The following ADAMTSL1 variants were observed in gnomAD, a reference collection of about 807,000 sequenced individuals.
The protein encoded by ADAMTSL1 is ADAMTS like 1.
Under a neutral mutation model 201.8 loss-of-function variants are expected in ADAMTSL1, and 126 were observed. The observed-to-expected ratio is 0.62, with a 90% CI of 0.54 to 0.72. The LOEUF (loss-of-function observed/expected upper bound fraction) is 0.72, where lower values mean the gene tolerates loss of function less well. Ranked by LOEUF, ADAMTSL1 falls within the 30% of genes least tolerant of loss-of-function variation. The pLI is 0.00. For synonymous variants in ADAMTSL1, 1,121 were observed against 903.4 expected (o/e 1.24, Z -4.32); for missense variants, 2,679 against 2,277.8 (o/e 1.18, Z -3.59).
intron 2 of ADAMTSL1, among the ~76,000 whole-genome samples, chr9:18,189,822 T>G (rs569878110): frequency 1.3e-5 from 2 of 152,332 alleles, no homozygotes; most frequent in African/African-American, 4.8e-5. Context: ...GCCAGTTCTG[T>G]GGACTTTTAA....
At chr9:18,756,283 A>C (rs1300096129) in intron 16 of ADAMTSL1, among the ~76,000 whole-genome samples, 22 of 11,216 alleles carry the variant, frequency 2.0e-3, no homozygotes, top group African/African-American at 7.3e-3. Context: ...TGTCTCGACA[A>C]AAAAAAAAAA....
intron 20 of ADAMTSL1, among the ~76,000 whole-genome samples, chr9:18,804,090 T>C (rs1447250495): frequency 3.3e-5 from 5 of 152,210 alleles, no homozygotes; most frequent in Non-Finnish European, 5.9e-5. Context: ...AGCTGCTCTC[T>C]TGGGTCTCTT....
At chr9:18,216,283 C>G (rs968780690) in intron 2 of ADAMTSL1, among the ~76,000 whole-genome samples, 6 of 152,180 alleles carry the variant, frequency 3.9e-5, no homozygotes, top group Admixed American at 2.6e-4. Flanking sequence ...AAGAGTTTGC[C>G]TTTAATCTGA....
chr9:18,661,592 G>C (rs1388600048), intron 8 of ADAMTSL1, among the ~76,000 whole-genome samples: 1 of 152,152 alleles, frequency 6.6e-6, no homozygotes, highest in Non-Finnish European at 1.5e-5. Context: ...GGTAAATCCT[G>C]ATGATCTTTT....
intron 23 of ADAMTSL1, among the ~76,000 whole-genome samples, chr9:18,852,344 G>C (rs1230107423): frequency 6.6e-6 from 1 of 152,182 alleles, no homozygotes; most frequent in Non-Finnish European, 1.5e-5. Context: ...ACTTAGAATG[G>C]TGCCTTCCCA....
At chr9:18,357,099 C>G (rs995852882) in intron 2 of ADAMTSL1, among the ~76,000 whole-genome samples, 1 of 152,116 alleles carries the variant, frequency 6.6e-6, no homozygotes, top group African/African-American at 2.4e-5. Flanking sequence ...ACTGGGACAT[C>G]TTTTTTTCAA....
chr9:18,659,559 G>A (rs757570880), intron 8 of ADAMTSL1, among the ~76,000 whole-genome samples: 5 of 152,232 alleles, frequency 3.3e-5, no homozygotes, highest in Admixed American at 6.5e-5. Context: ...GAGGCCAGGA[G>A]TTCGAGACCA....
Position 18,737,796 on chromosome 9 carries a change from G to A in ADAMTSL1, c.2007-15502G>A, listed in dbSNP as rs144094394. 3.2e-4 allele frequency among the ~76,000 whole-genome samples: 48 copies of A among 152,312 alleles called. No homozygotes were observed. In the East Asian group the frequency reaches 9.2e-3, roughly 29 times the overall value. ...TAGACACTGGCTGGCAAAGCTCAAA[G>A]CCTGAAAAGTAATGTTTTCCAATTT... On this transcript the variant is annotated intron_variant, in intron 15 of 28. Transcript: ENST00000380548.
intron 2 of ADAMTSL1, among the ~76,000 whole-genome samples, chr9:18,346,349 T>G (rs1432033834): frequency 6.6e-6 from 1 of 152,076 alleles, no homozygotes; most frequent in East Asian, 1.9e-4. Context: ...CAGAGCAGGG[T>G]TGGATGGTAC....
At chr9:18,815,711 CAAAAA>C (rs35926602) in intron 20 of ADAMTSL1, among the ~76,000 whole-genome samples, 2 of 67,934 alleles carry the variant, frequency 2.9e-5, no homozygotes, top group Non-Finnish European at 5.7e-5. Flanking sequence ...AACCCTGTCT[CAAAAA>C]AAAAAAAAAA....
At chr9:18,533,329 T>C in intron 3 of ADAMTSL1, 37 bp downstream of exon 3, 8 of 1,574,542 alleles carry the variant, frequency 5.1e-6, no homozygotes, top group African/African-American at 2.7e-5. Flanking sequence ...TCATGTATTT[T>C]TGTTAGCACT....
chr9:18,145,755 CATT>C (rs1224200397), intron 1 of ADAMTSL1, among the ~76,000 whole-genome samples: 1 of 152,034 alleles, frequency 6.6e-6, no homozygotes, highest in African/African-American at 2.4e-5. Context: ...ATAAGCTAAA[CATT>C]ATCTAATTAA....
chr9:18,760,631 C>G lies in ADAMTSL1; in HGVS notation c.2217+7123C>G, dbSNP rs150735632. 3.2e-3 allele frequency among the ~76,000 whole-genome samples: 481 copies of G among 152,262 alleles called. 8 individuals carry two copies. The highest frequency in any genetic ancestry group is 2.3e-3 in the Non-Finnish European group (158 of 68,012). On this transcript the variant is annotated intron_variant, in intron 16 of 28. Coordinates refer to ENST00000380548, the MANE Select transcript of ADAMTSL1 (RefSeq NM_001040272.6). The stretch of plus-strand genomic sequence containing the variant: ...ATCATGTTACCCCCTACTTTGAAAC[C>G]CCTATTGATACCTCATGGTTTTAAG...
In ADAMTSL1 at chr9:18,770,716, G is replaced by A; in HGVS notation, c.2332G>A (p.Ala778Thr). 6.2e-7 allele frequency: 1 copy of A among 1,613,836 alleles called. No individual in the cohort carries two copies. The highest frequency in any genetic ancestry group is 8.5e-7 in the Non-Finnish European group (1 of 1,179,852). The change falls in exon 17 of 29, where the codon GCC becomes ACC. Residue 778 changes from alanine (A) to threonine (T), a missense_variant. Ala to Thr is a moderately conservative substitution (Grantham distance 58). Coordinates refer to ENST00000380548, the MANE Select transcript of ADAMTSL1 (RefSeq NM_001040272.6). ...GACCTTCTGTTCAGCTTCAAAACCT[G>A]CCTGCCAGCAAGCATGCAAGAAAGA... ...PETFCSASKP[A>T]CQQACKKDDC...
chr9:18,904,319 A>G (rs1830167658), intron 26 of ADAMTSL1, among the ~76,000 whole-genome samples: 1 of 152,026 alleles, frequency 6.6e-6, no homozygotes, highest in South Asian at 2.1e-4. Flanking sequence ...AAATATAAAA[A>G]TTAGCCGGGT....
intron 5 of ADAMTSL1, among the ~76,000 whole-genome samples, chr9:18,631,105 T>C (rs1826740167): frequency 6.6e-6 from 1 of 152,218 alleles, no homozygotes; most frequent in African/African-American, 2.4e-5. Context: ...TGATTTCATA[T>C]ATGTTAAAGC....
intron 4 of ADAMTSL1, among the ~76,000 whole-genome samples, chr9:18,600,348 C>G (rs774733074): frequency 5.3e-5 from 8 of 152,128 alleles, no homozygotes; most frequent in Non-Finnish European, 1.0e-4. Context: ...ATCTACTGCC[C>G]AAAAAGTCTA....
At chr9:18,455,264 C>T (rs552473347) in intron 2 of ADAMTSL1, among the ~76,000 whole-genome samples, 2 of 152,270 alleles carry the variant, frequency 1.3e-5, no homozygotes, top group East Asian at 3.9e-4. Flanking sequence ...TTTGTTAAAA[C>T]AGAATAGCGT....
intron 1 of ADAMTSL1, among the ~76,000 whole-genome samples, chr9:17,958,049 C>T (rs1422334646): frequency 6.6e-6 from 1 of 152,170 alleles, no homozygotes; most frequent in African/African-American, 2.4e-5. Context: ...ATATTATTCT[C>T]ACTCTTGTCT....
Sources: gnomAD v4.1 joint callset for allele counts (sites outside exome capture counted in the v4.1 genomes callset) on GRCh38, gnomAD v4.1.1 for gene constraint, MANE v1.5 for transcripts, NCBI Gene and HGNC (gene_info 2026-07-23, HGNC 2026-07-21) for gene names.